The following ITGA9 variants were observed in gnomAD, a reference collection of about 807,000 sequenced individuals.
The protein encoded by ITGA9 is integrin alpha-9.
A neutral mutation model predicts 127.8 loss-of-function variants in ITGA9; 56 were observed. The observed-to-expected ratio is 0.44, with a 90% confidence interval of 0.35 to 0.55. ITGA9 has a LOEUF of 0.55. Ranked by LOEUF, ITGA9 falls within the 20% of genes least tolerant of loss-of-function variation. The pLI is 0.00. For synonymous variants in ITGA9, 508 were observed against 514.5 expected (o/e 0.99, Z 0.17); for missense variants, 1,196 against 1,347.1 (o/e 0.89, Z 1.76).
In ITGA9 at chr3:37,629,350, A is replaced by G; in HGVS notation, c.1839+14A>G. On this transcript the variant is annotated intron_variant, in intron 16 of 27. Transcript: ENST00000264741. This position sits in a 1 kb window ranked among gnomAD's most constrained non-coding sequence, Gnocchi z 4.5. ...CAAAAGAATCAGGTCAGAACCTTAA[A>G]GCTCATACTCAGCACCCAAGGTGGC... 1 of 1,613,820 alleles carries G rather than the reference A, an allele frequency of 6.2e-7. No homozygotes were observed. Among genetic ancestry groups the G allele is most frequent in the Non-Finnish European group, 8.5e-7 (1 of 1,179,902 alleles).
intron 18 of ITGA9, among the ~76,000 whole-genome samples, chr3:37,709,320 C>T (rs765581030): frequency 6.6e-6 from 1 of 152,110 alleles, no homozygotes; most frequent in Admixed American, 6.6e-5. Context: ...TTTTTCTCTC[C>T]CAGCAAAGTA....
At position 37,575,239 on chromosome 3, in the gene ITGA9, G is replaced by T. The variant is rs138562815; in HGVS notation, c.1689+32654G>T. Among the ~76,000 whole-genome samples, 615 of 152,260 alleles carry T rather than the reference G, an allele frequency of 4.0e-3. 3 individuals carry two copies. The highest frequency in any genetic ancestry group is 0.014 in the African/African-American group (599 of 41,568). ...GATTGTCCTGTTTGCTGGTTTGGGGGCTGCAGGGGTCTGCAGAGTGCCGCA... is the reference window on the plus strand; with the variant it reads ...GATTGTCCTGTTTGCTGGTTTGGGGTCTGCAGGGGTCTGCAGAGTGCCGCA... On this transcript the variant is annotated intron_variant, in intron 15 of 27. Coordinates refer to ENST00000264741, the MANE Select transcript of ITGA9 (RefSeq NM_002207.3).
chr3:37,548,764 A>G (rs1265449869), intron 15 of ITGA9, among the ~76,000 whole-genome samples: 1 of 152,188 alleles, frequency 6.6e-6, no homozygotes, highest in Non-Finnish European at 1.5e-5. Flanking sequence ...GACCTTGGAC[A>G]TATGTCCTAC....
chr3:37,689,373 C>T (rs1700810149), intron 18 of ITGA9, among the ~76,000 whole-genome samples: 1 of 152,176 alleles, frequency 6.6e-6, no homozygotes. Context: ...CTTGAAAACA[C>T]ATTATAAAAG....
intron 14 of ITGA9, among the ~76,000 whole-genome samples, chr3:37,534,478 T>A (rs1052176523): frequency 2.0e-5 from 3 of 152,230 alleles, no homozygotes; most frequent in Admixed American, 6.5e-5. Flanking sequence ...GAAGCACTGC[T>A]GTGGAGCACA....
chr3:37,619,993 C>G (rs1488036886), intron 15 of ITGA9, among the ~76,000 whole-genome samples: 1 of 152,208 alleles, frequency 6.6e-6, no homozygotes, highest in Non-Finnish European at 1.5e-5. Context: ...AAAGGGGTCA[C>G]TTGAGTAGGC....
chr3:37,511,440 C>T (rs1698903557), intron 8 of ITGA9, among the ~76,000 whole-genome samples: 1 of 152,200 alleles, frequency 6.6e-6, no homozygotes, highest in African/African-American at 2.4e-5. Context: ...AGATAGGAAA[C>T]TTCACATATA....
chr3:37,463,744 T>C (rs1698341006), intron 1 of ITGA9, among the ~76,000 whole-genome samples: 1 of 152,206 alleles, frequency 6.6e-6, no homozygotes, highest in Non-Finnish European at 1.5e-5. Context: ...TTGTGGCCAC[T>C]TTGTAATATA....
chr3:37,710,312 C>T (rs1343356099), intron 18 of ITGA9, among the ~76,000 whole-genome samples: 1 of 152,134 alleles, frequency 6.6e-6, no homozygotes, highest in Admixed American at 6.5e-5. Flanking sequence ...GGCAATGCTT[C>T]CTCTTTTGCT....
chr3:37,706,062 G>A (rs1701001846), intron 18 of ITGA9, among the ~76,000 whole-genome samples: 1 of 152,188 alleles, frequency 6.6e-6, no homozygotes, highest in Non-Finnish European at 1.5e-5. Context: ...CAGCTCTGTG[G>A]GGTGGGTGTG....
intron 16 of ITGA9, among the ~76,000 whole-genome samples, chr3:37,641,483 A>G (rs1435615298): frequency 3.3e-5 from 5 of 151,970 alleles, no homozygotes; most frequent in East Asian, 1.9e-4. Context: ...GAGGGAGAAG[A>G]TCTGGGGAGG....
intron 26 of ITGA9, among the ~76,000 whole-genome samples, chr3:37,789,560 C>T (rs1276210481): frequency 6.6e-6 from 1 of 150,886 alleles, no homozygotes; most frequent in Non-Finnish European, 1.5e-5. Flanking sequence ...GAGATCGAGA[C>T]CATCCTGGCT....
chr3:37,632,833 A>G (rs895553380), intron 16 of ITGA9, among the ~76,000 whole-genome samples: 2 of 152,222 alleles, frequency 1.3e-5, no homozygotes, highest in African/African-American at 2.4e-5. Context: ...AAAGGCTTCA[A>G]TGTTCTGAGG....
intron 27 of ITGA9, among the ~76,000 whole-genome samples, chr3:37,815,075 C>T (rs917992701): frequency 6.6e-6 from 1 of 152,188 alleles, no homozygotes; most frequent in Non-Finnish European, 1.5e-5. Flanking sequence ...AATGCTGACA[C>T]CACTCCACTG....
chr3:37,814,789 A>G lies in ITGA9; in HGVS notation c.3010-4102A>G, dbSNP rs1245038499. On this transcript the variant is annotated intron_variant, in intron 27 of 27. Coordinates refer to ENST00000264741, the MANE Select transcript of ITGA9 (RefSeq NM_002207.3). This position sits in a 1 kb window ranked among gnomAD's most constrained non-coding sequence, Gnocchi z 4.3. ...CTTATACACATACATGATATCTGTG[A>G]TGTGAGTGGTATCCCCCAGCCCCTT... 4.6e-5 allele frequency among the ~76,000 whole-genome samples: 7 copies of G among 152,212 alleles called. No homozygotes were observed. The highest frequency in any genetic ancestry group is 1.7e-4 in the African/African-American group (7 of 41,456).
chr3:37,533,032 C>T (rs906086307), intron 13 of ITGA9, among the ~76,000 whole-genome samples: 12 of 152,336 alleles, frequency 7.9e-5, no homozygotes, highest in African/African-American at 2.9e-4. Flanking sequence ...AATTACCCAG[C>T]ATCTGGTGGT....
intron 15 of ITGA9, among the ~76,000 whole-genome samples, chr3:37,560,178 A>G (rs373090183): frequency 1.2e-4 from 18 of 150,588 alleles, no homozygotes; most frequent in African/African-American, 4.2e-4. Flanking sequence ...TTCAAGTCCC[A>G]CCTATGAGTG....
chr3:37,779,397 G>A (rs1013677348), intron 24 of ITGA9, among the ~76,000 whole-genome samples: 2 of 151,924 alleles, frequency 1.3e-5, no homozygotes, highest in African/African-American at 4.8e-5. Flanking sequence ...GAGCCACTGC[G>A]CCCAGCCGAG....
chr3:37,550,738 A>G (rs1014445554), intron 15 of ITGA9, among the ~76,000 whole-genome samples: 3 of 152,210 alleles, frequency 2.0e-5, no homozygotes, highest in Admixed American at 1.3e-4. Flanking sequence ...AGTTTATTCA[A>G]TTTAACTTTT....
Sources: gnomAD v4.1 joint callset for allele counts (sites outside exome capture counted in the v4.1 genomes callset) on GRCh38, gnomAD v4.1.1 for gene constraint, Gnocchi (gnomAD v3.1) non-coding constraint, MANE v1.5 for transcripts, NCBI Gene and HGNC (gene_info 2026-07-23, HGNC 2026-07-21) for gene names.